Variants in PTPN4 observed in about 807,000 individuals in gnomAD.
PTPN4 encodes tyrosine-protein phosphatase non-receptor type 4.
A neutral mutation model predicts 135.5 loss-of-function variants in PTPN4; 49 were observed. The ratio of observed to expected loss-of-function variants is 0.36; its 90% CI spans 0.29 to 0.46. The LOEUF (loss-of-function observed/expected upper bound fraction) is 0.46, where lower values mean the gene tolerates loss of function less well. PTPN4 is among the 20% of genes least tolerant of loss of function. PTPN4 has a pLI of 1.00. For synonymous variants in PTPN4, 333 were observed against 369.9 expected (o/e 0.90, Z 1.14); for missense variants, 860 against 1,101.0 (o/e 0.78, Z 3.10).
intron 1 of PTPN4, among the ~76,000 whole-genome samples, chr2:119,808,589 T>C (rs1468935440): frequency 6.6e-6 from 1 of 152,096 alleles, no homozygotes; most frequent in East Asian, 1.9e-4. Flanking sequence ...AGCTAATTTT[T>C]AAAACATTCT....
intron 22 of PTPN4, among the ~76,000 whole-genome samples, chr2:119,959,926 A>G (rs535773148): frequency 6.6e-6 from 1 of 152,310 alleles, no homozygotes; most frequent in South Asian, 2.1e-4. Context: ...CATTTAAAAG[A>G]ATGAAATTTT....
intron 2 of PTPN4, among the ~76,000 whole-genome samples, chr2:119,845,849 G>A (rs13386365): frequency 0.34 from 51,756 of 151,858 alleles, 9,292 homozygotes; most frequent in African/African-American, 0.45. Flanking sequence ...TTTTTCTCCA[G>A]TTTACCTGCA....
At position 119,983,518 on chromosome 2, in the gene PTPN4, C is replaced by T. The variant is rs1679724914; in HGVS notation, c.*6448C>T. ...CTTTTCCCATCTTTTAATGAGTTGG[C>T]AAGATTAGGTCAAATTTCAATGCTA... On this transcript the variant is annotated 3_prime_UTR_variant, in exon 27 of 27. Coordinates refer to ENST00000263708, the MANE Select transcript of PTPN4 (RefSeq NM_002830.4). 1 of 152,118 alleles carries T rather than the reference C, an allele frequency of 6.6e-6. No homozygotes were observed. The highest frequency in any genetic ancestry group is 1.5e-5 in the Non-Finnish European group (1 of 68,024). The allele number at this position is 152,118 out of a possible 1,614,324, so 9.4% of individuals were successfully genotyped here. A position where few individuals can be genotyped will look rare whatever the true frequency, so the allele number is the denominator to read the frequency against.
rs138774074 is a variant in PTPN4, at chr2:119,784,784, C to T, written c.-18+24400C>T. Among the ~76,000 whole-genome samples the T allele has an allele frequency of 3.5e-3, 527 of 150,360 alleles. 3 individuals carry two copies. Among genetic ancestry groups the T allele is most frequent in the Non-Finnish European group, 4.4e-3 (296 of 67,588 alleles). On this transcript the variant is annotated intron_variant, in intron 1 of 26. Transcript: ENST00000263708. The stretch of plus-strand genomic sequence containing the variant: ...AACTCCTGAGCTCAAGCAGTCTGCC[C>T]GCCTCAGCCTACCAAAGTGCTAAGA...
At chr2:119,802,483 C>T (rs1040344336) in intron 1 of PTPN4, among the ~76,000 whole-genome samples, 1 of 152,120 alleles carries the variant, frequency 6.6e-6, no homozygotes, top group East Asian at 1.9e-4. Context: ...TGTGATTTTT[C>T]TCCCTTAGTC....
intron 2 of PTPN4, among the ~76,000 whole-genome samples, chr2:119,825,788 G>A (rs913961689): frequency 1.3e-5 from 2 of 151,998 alleles, no homozygotes; most frequent in Non-Finnish European, 2.9e-5. Flanking sequence ...GAGCCACCAC[G>A]CTCTGCCAAT....
intron 2 of PTPN4, among the ~76,000 whole-genome samples, chr2:119,837,163 C>T (rs775835075): frequency 7.2e-5 from 11 of 152,120 alleles, no homozygotes; most frequent in Admixed American, 1.3e-4. Context: ...ACCCATGGAC[C>T]GGTTAGCATG....
intron 2 of PTPN4, among the ~76,000 whole-genome samples, chr2:119,827,859 T>A (rs753209838): frequency 6.6e-6 from 1 of 152,230 alleles, no homozygotes; most frequent in Non-Finnish European, 1.5e-5. Flanking sequence ...AAGTATTTTT[T>A]CCCCATTGCT....
chr2:119,912,521 T>A (rs1406480823), intron 10 of PTPN4, among the ~76,000 whole-genome samples: 1 of 152,172 alleles, frequency 6.6e-6, no homozygotes, highest in South Asian at 2.1e-4. Flanking sequence ...TCCAAAACCA[T>A]GTGAAAGTTA....
Position 119,807,253 on chromosome 2 carries a change from C to T in PTPN4, c.-17-2584C>T, listed in dbSNP as rs564280211. On this transcript the variant is annotated intron_variant, in intron 1 of 26. Transcript: ENST00000263708. ...AGAGCAGAACTGAAGGAGATAGAGA[C>T]GCAAAAAACCCTTCAAAAAATCAAT... 5.1e-4 allele frequency among the ~76,000 whole-genome samples: 77 copies of T among 152,000 alleles called. No homozygotes were observed. In the South Asian group the frequency reaches 0.012, roughly 24 times the overall value.
chr2:119,819,186 G>C (rs562258952), intron 2 of PTPN4, among the ~76,000 whole-genome samples: 1 of 152,286 alleles, frequency 6.6e-6, no homozygotes, highest in Non-Finnish European at 1.5e-5. Context: ...TGGTTTGGCA[G>C]GTGCCCCCAA....
intron 3 of PTPN4, among the ~76,000 whole-genome samples, chr2:119,863,314 T>C (rs1301279947): frequency 8.6e-5 from 13 of 152,040 alleles, no homozygotes; most frequent in African/African-American, 2.4e-5. Flanking sequence ...AGATAAAGGG[T>C]ATACAAGCAA....
At chr2:119,867,904 T>A (rs1031810976) in intron 3 of PTPN4, among the ~76,000 whole-genome samples, 1 of 152,244 alleles carries the variant, frequency 6.6e-6, no homozygotes, top group African/African-American at 2.4e-5. Context: ...TTATCCTTTT[T>A]GTTTTTCTCA....
chr2:119,877,416 A>G, intron 4 of PTPN4, 48 bp from the exon 5 acceptor site: 1 of 1,607,876 alleles, frequency 6.2e-7, no homozygotes, highest in South Asian at 1.1e-5. Flanking sequence ...TATAAAGATA[A>G]AGGATTAATA....
intron 23 of PTPN4, among the ~76,000 whole-genome samples, chr2:119,961,759 A>G (rs1679369250): frequency 6.6e-6 from 1 of 152,222 alleles, no homozygotes; most frequent in African/African-American, 2.4e-5. Context: ...CCTGGAAAAC[A>G]CTTAGCATAG....
In PTPN4 at chr2:119,813,284, G is replaced by A. The variant is rs186139221; in HGVS notation, c.138+3293G>A. 2.0e-5 allele frequency among the ~76,000 whole-genome samples: 3 copies of A among 149,894 alleles called. No homozygotes were observed. In the East Asian group the frequency reaches 5.9e-4, roughly 30 times the overall value. ...TTTTTTGAGACGGAGTTTCGCTGTT[G>A]TTGCCCAGGCTGGAGTACAATGGCA... is the stretch of plus-strand genomic sequence containing the variant. On this transcript the variant is annotated intron_variant, in intron 2 of 26. Transcript: ENST00000263708.
At chr2:119,763,145 A>G (rs1690541224) in intron 1 of PTPN4, among the ~76,000 whole-genome samples, 1 of 152,152 alleles carries the variant, frequency 6.6e-6, no homozygotes, top group South Asian at 2.1e-4. Flanking sequence ...GAAAAAGAGG[A>G]GGGGAAATTT....
chr2:119,959,709 T>TC (rs1178397392), intron 22 of PTPN4, among the ~76,000 whole-genome samples: 5 of 152,188 alleles, frequency 3.3e-5, no homozygotes, highest in African/African-American at 1.2e-4. Flanking sequence ...GGACAAGTGC[T>TC]CCATAATCAA....
At chr2:119,976,877 AT>A in intron 26 of PTPN4, 106 bp from the exon 27 acceptor site, 1 of 1,489,792 alleles carries the variant, frequency 6.7e-7, no homozygotes, top group Non-Finnish European at 8.9e-7. Flanking sequence ...TTTGTTTTGC[AT>A]TTTTTAAGTA....
Sources: gnomAD v4.1 joint callset for allele counts (sites outside exome capture counted in the v4.1 genomes callset) on GRCh38, gnomAD v4.1.1 for gene constraint, MANE v1.5 for transcripts, NCBI Gene and HGNC (gene_info 2026-07-23, HGNC 2026-07-21) for gene names.